Variants in KCNQ3 observed in about 807,000 individuals in gnomAD.
KCNQ3 encodes potassium voltage-gated channel subfamily Q member 3, also known as potassium voltage-gated channel subfamily KQT member 3.
Under a neutral mutation model 92.5 loss-of-function variants are expected in KCNQ3, and 30 were observed. The observed-to-expected ratio is 0.32, with a 90% CI of 0.24 to 0.44. The LOEUF (loss-of-function observed/expected upper bound fraction) is 0.44. Among genes scored for constraint, KCNQ3 ranks in the 20% least tolerant of loss-of-function variants. KCNQ3 has a pLI of 1.00. For synonymous variants in KCNQ3, 450 were observed against 468.8 expected (o/e 0.96, Z 0.52); for missense variants, 913 against 1,140.3 (o/e 0.80, Z 2.87).
At chr8:132,196,430 C>A (rs138756119) in intron 1 of KCNQ3, among the ~76,000 whole-genome samples, 56 of 152,278 alleles carry the variant, frequency 3.7e-4, no homozygotes, top group Non-Finnish European at 6.9e-4. Flanking sequence ...CATGCACTTA[C>A]CATTCTATAC....
chr8:132,225,697 C>A (rs1367801292), intron 1 of KCNQ3, among the ~76,000 whole-genome samples: 1 of 152,158 alleles, frequency 6.6e-6, no homozygotes, highest in Non-Finnish European at 1.5e-5. Context: ...CAGAAAGTGG[C>A]AAATGCTATG....
At position 132,180,588 on chromosome 8, in the gene KCNQ3, A is replaced by G. The variant is rs72717400; in HGVS notation, c.605-259T>C. Among the ~76,000 whole-genome samples, 2,075 of 152,166 alleles carry G rather than the reference A, an allele frequency of 0.014. 29 individuals are homozygous for G. The highest frequency in any genetic ancestry group is 0.023 in the Non-Finnish European group (1,554 of 68,004). ...GCCAGAAGTAGCATAGGCCTACCAC[A>G]CTTTAATGCTGGCTCCAGAGCAGCA... On this transcript the variant is annotated intron_variant, in intron 3 of 14. Coordinates refer to ENST00000388996, the MANE Select transcript of KCNQ3 (RefSeq NM_004519.4).
Position 132,131,396 on chromosome 8 carries a change from C to T in KCNQ3, c.1884+784G>A, listed in dbSNP as rs189947238. Among the ~76,000 whole-genome samples, 57 of 152,220 alleles carry T rather than the reference C, an allele frequency of 3.7e-4. No individual in the cohort carries two copies. In the East Asian group the frequency reaches 0.011, roughly 29 times the overall value. ...TGAGCTGCATGGTGCTGTGAGTGAG[C>T]GGGTTTCTCTTTCCACCTTGAATGG... On this transcript the variant is annotated intron_variant, in intron 14 of 14. Coordinates refer to ENST00000388996, the MANE Select transcript of KCNQ3 (RefSeq NM_004519.4).
chr8:132,141,426 G>A, intron 9 of KCNQ3, 95 bp from the exon 10 acceptor site: 2 of 1,044,258 alleles, frequency 1.9e-6, no homozygotes, highest in Admixed American at 1.9e-5. Context: ...TCTCCTCCAA[G>A]GAGAAATGGG....
At chr8:132,151,844 T>C (rs1244900649) in intron 9 of KCNQ3, among the ~76,000 whole-genome samples, 1 of 152,234 alleles carries the variant, frequency 6.6e-6, no homozygotes, top group African/African-American at 2.4e-5. Flanking sequence ...TTATTTGACA[T>C]GTTTACGTAC....
In KCNQ3 at chr8:132,407,830, A is replaced by G. The variant is rs74850198; in HGVS notation, c.386+72317T>C. Among the ~76,000 whole-genome samples the G allele has an allele frequency of 8.8e-4, 134 of 152,258 alleles. 1 individual carries two copies. The highest frequency in any genetic ancestry group is 3.1e-3 in the African/African-American group (129 of 41,562). On this transcript the variant is annotated intron_variant, in intron 1 of 14. Coordinates refer to ENST00000388996, the MANE Select transcript of KCNQ3 (RefSeq NM_004519.4). ...GAGTGCAAAAGACTGTATCTTTCAC[A>G]TGCTCTCCAGGTCACTGATGCTCAA...
intron 1 of KCNQ3, among the ~76,000 whole-genome samples, chr8:132,333,500 T>C (rs1473011028): frequency 3.9e-5 from 6 of 152,162 alleles, no homozygotes; most frequent in Non-Finnish European, 8.8e-5. Context: ...ACCTTCTCAC[T>C]GTAATGTGGA....
At chr8:132,136,533 A>T (rs2130936075) in intron 12 of KCNQ3, among the ~76,000 whole-genome samples, 1 of 152,118 alleles carries the variant, frequency 6.6e-6, no homozygotes, top group African/African-American at 2.4e-5. Flanking sequence ...GGGAAGTCTT[A>T]CTCCTTTTCT....
rs1317283472 is a variant in KCNQ3, at chr8:132,137,915, A to G, written c.1670T>C (p.Met557Thr). Residue 557 changes from methionine to threonine, a missense_variant, in exon 12 of 15, where the codon ATG becomes ACG. Transcript: ENST00000388996. ...IEQYSAGHLD[M>T]LSRIKYLQTR... is the part of the protein sequence containing the mutation. ...CTGAAGGTACTTTATCCTGGAAAGC[A>G]TGTCGAGATGCCCGGCAGAATACTG... 6.2e-7 allele frequency: 1 copy of G among 1,614,110 alleles called. No homozygotes were observed. Among genetic ancestry groups the G allele is most frequent in the Admixed American group, 1.7e-5 (1 of 60,024 alleles).
chr8:132,264,790 A>G (rs1376015786), intron 1 of KCNQ3, among the ~76,000 whole-genome samples: 1 of 152,190 alleles, frequency 6.6e-6, no homozygotes, highest in Non-Finnish European at 1.5e-5. Context: ...ATATTTCAGG[A>G]TAATAACTTA....
chr8:132,476,667 T>C (rs1164959832), intron 1 of KCNQ3, among the ~76,000 whole-genome samples: 3 of 152,212 alleles, frequency 2.0e-5, no homozygotes, highest in African/African-American at 7.2e-5. Context: ...ATCTTGGAAG[T>C]AACAAACTTT....
chr8:132,461,422 G>A (rs10808601), intron 1 of KCNQ3, among the ~76,000 whole-genome samples: 40,717 of 151,968 alleles, frequency 0.27, 5,767 homozygotes, highest in East Asian at 0.37. Flanking sequence ...AAAACTAGCC[G>A]GGCGTGGTGG....
chr8:132,263,225 C>G (rs924665886), intron 1 of KCNQ3, among the ~76,000 whole-genome samples: 11 of 152,200 alleles, frequency 7.2e-5, no homozygotes, highest in Admixed American at 5.2e-4. Flanking sequence ...CCAGCTCTTA[C>G]AGCTCTGTCC....
chr8:132,465,530 C>A (rs1454593267), intron 1 of KCNQ3, among the ~76,000 whole-genome samples: 4 of 151,928 alleles, frequency 2.6e-5, no homozygotes, highest in African/African-American at 4.8e-5. Context: ...GAGATCAAGA[C>A]CATCCTGGCT....
At chr8:132,296,546 C>A (rs571853548) in intron 1 of KCNQ3, among the ~76,000 whole-genome samples, 1 of 152,090 alleles carries the variant, frequency 6.6e-6, no homozygotes, top group Admixed American at 6.6e-5. Flanking sequence ...CCACTCCCCC[C>A]ACCCCACAAC....
chr8:132,152,217 A>G (rs1041105541), intron 9 of KCNQ3, among the ~76,000 whole-genome samples: 2 of 152,198 alleles, frequency 1.3e-5, no homozygotes, highest in Non-Finnish European at 2.9e-5. Flanking sequence ...AAGAGCTAAA[A>G]TGTTCATGAA....
At chr8:132,369,423 C>A (rs543361679) in intron 1 of KCNQ3, among the ~76,000 whole-genome samples, 1 of 152,078 alleles carries the variant, frequency 6.6e-6, no homozygotes, top group Non-Finnish European at 1.5e-5. Context: ...AGCAACGATG[C>A]CCCAGTAGCA....
chr8:132,187,833 TGTG>T lies in KCNQ3; in HGVS notation c.387-1655_387-1653del, dbSNP rs1305035975. On this transcript the variant is annotated intron_variant, in intron 1 of 14. Transcript: ENST00000388996. ...TGGTGGTGGTGGTGGTGGTGGTGAT[TGTG>T]GTGGTGGTGGTGGTAGTGATGGTGG... Among the ~76,000 whole-genome samples, 17 of 77,262 alleles carry T rather than the reference TGTG, an allele frequency of 2.2e-4. No individual in the cohort carries two copies. In the South Asian group the frequency reaches 3.4e-3, roughly 15 times the overall value. 50.7% of individuals were successfully genotyped at this position (77,262 alleles called of 152,430 possible).
chr8:132,172,429 CACACACAGACACACAAG>C (rs958327070), intron 7 of KCNQ3, among the ~76,000 whole-genome samples, 152 bp downstream of exon 7: 21 of 151,800 alleles, frequency 1.4e-4, no homozygotes, highest in Non-Finnish European at 1.8e-4. Context: ...CACACACACA[CACACACAGACACACAAG>C]ACACACAGAC....
Sources: allele counts gnomAD v4.1 joint callset (sites outside exome capture counted in the v4.1 genomes callset), GRCh38; gene constraint gnomAD v4.1.1; transcripts MANE v1.5; gene names NCBI Gene and HGNC (gene_info 2026-07-23, HGNC 2026-07-21).